PEBP4: variants seen among roughly 807,000 people sequenced by gnomAD.
PEBP4 encodes phosphatidylethanolamine binding protein 4.
A neutral mutation model predicts 23.9 loss-of-function variants in PEBP4; 22 were observed. The ratio of observed to expected loss-of-function variants is 0.92; its 90% CI spans 0.66 to 1.31. The LOEUF (loss-of-function observed/expected upper bound fraction) is 1.31, where lower values mean the gene tolerates loss of function less well. Among genes scored for constraint, PEBP4 ranks in the 40% most tolerant of loss-of-function variants. The pLI, the probability that PEBP4 is intolerant of heterozygous loss-of-function variation, is 0.00. For synonymous variants in PEBP4, 112 were observed against 99.3 expected, an observed-to-expected ratio of 1.13 and a Z score of -0.76; for missense variants, 324 against 281.7, an observed-to-expected ratio of 1.15 and a Z score of -1.07.
chr8:22,843,683 T>G (rs1369302978), intron 3 of PEBP4, among the ~76,000 whole-genome samples: 1 of 152,220 alleles, frequency 6.6e-6, no homozygotes, highest in Admixed American at 6.5e-5. Context: ...TGTTTGGAAG[T>G]TGAATGTCAG....
intron 4 of PEBP4, among the ~76,000 whole-genome samples, chr8:22,791,118 G>A (rs987401091): frequency 6.6e-6 from 1 of 152,062 alleles, no homozygotes; most frequent in Non-Finnish European, 1.5e-5. Flanking sequence ...GCCTCTTCAC[G>A]CAGGCAACCA....
At chr8:22,785,646 C>T (rs1249997088) in intron 4 of PEBP4, among the ~76,000 whole-genome samples, 1 of 152,144 alleles carries the variant, frequency 6.6e-6, no homozygotes, top group African/African-American at 2.4e-5. Flanking sequence ...GGCTCTGCCA[C>T]CTGCTAGCAA....
At chr8:22,761,791 G>T (rs1002314575) in intron 4 of PEBP4, among the ~76,000 whole-genome samples, 1 of 152,104 alleles carries the variant, frequency 6.6e-6, no homozygotes, top group African/African-American at 2.4e-5. Flanking sequence ...GTGTTTTTCT[G>T]TCTCCTTCTT....
At chr8:22,736,963 T>G (rs796928084) in intron 4 of PEBP4, among the ~76,000 whole-genome samples, 1 of 152,160 alleles carries the variant, frequency 6.6e-6, no homozygotes, top group African/African-American at 2.4e-5. Context: ...TGGATGCCAG[T>G]TTTGCACCCA....
At chr8:22,778,420 T>C (rs1322593882) in intron 4 of PEBP4, among the ~76,000 whole-genome samples, 1 of 151,746 alleles carries the variant, frequency 6.6e-6, no homozygotes, top group Non-Finnish European at 1.5e-5. Context: ...GTTTCGCTCT[T>C]GTTGCCCCGG....
intron 3 of PEBP4, among the ~76,000 whole-genome samples, chr8:22,863,565 T>C (rs1807824055): frequency 2.0e-5 from 3 of 152,314 alleles, no homozygotes; most frequent in Admixed American, 1.3e-4. Context: ...CCTGCCTCCC[T>C]GCATCCTTCT....
chr8:22,776,276 T>C (rs1397772860), intron 4 of PEBP4, among the ~76,000 whole-genome samples: 1 of 152,196 alleles, frequency 6.6e-6, no homozygotes, highest in African/African-American at 2.4e-5. Context: ...CCTTTCCCCT[T>C]TCTTCATTTC....
chr8:22,923,007 T>C (rs998603380), intron 2 of PEBP4, among the ~76,000 whole-genome samples: 2 of 152,230 alleles, frequency 1.3e-5, no homozygotes, highest in African/African-American at 2.4e-5. Context: ...ACATCACATA[T>C]GTATGATTTC....
At chr8:22,731,671 ATTTTT>A (rs1405566877) in intron 4 of PEBP4, among the ~76,000 whole-genome samples, 23 of 146,578 alleles carry the variant, frequency 1.6e-4, no homozygotes, top group African/African-American at 5.8e-4. Flanking sequence ...TTATTTATTT[ATTTTT>A]GAGACGGAGT....
At chr8:22,850,332 G>A (rs1159982553) in intron 3 of PEBP4, among the ~76,000 whole-genome samples, 1 of 152,202 alleles carries the variant, frequency 6.6e-6, no homozygotes, top group Non-Finnish European at 1.5e-5. Context: ...CTCGAATCAG[G>A]ACAACCAGTC....
intron 3 of PEBP4, among the ~76,000 whole-genome samples, chr8:22,823,006 G>A (rs1380003352): frequency 1.3e-5 from 2 of 151,680 alleles, no homozygotes; most frequent in Admixed American, 6.6e-5. Context: ...ATTATCCAAG[G>A]CAATATTGAA....
At position 22,777,768 on chromosome 8, in the gene PEBP4, C is replaced by T. The variant is rs190364608; in HGVS notation, c.357+39869G>A. On this transcript the variant is annotated intron_variant, in intron 4 of 6. Coordinates refer to ENST00000256404, the MANE Select transcript of PEBP4 (RefSeq NM_144962.3). ...GAGAATCCGACCATGAGGTATTTTC[C>T]TGGCGCTAAGGATAACCTTGTAGGA... is the stretch of plus-strand genomic sequence containing the variant. Among the ~76,000 whole-genome samples the T allele has an allele frequency of 3.6e-3, 553 of 152,300 alleles. 2 individuals are homozygous for T. The highest frequency in any genetic ancestry group is 5.6e-3 in the Non-Finnish European group (382 of 68,022).
At chr8:22,799,474 T>C (rs1277363787) in intron 4 of PEBP4, among the ~76,000 whole-genome samples, 1 of 152,262 alleles carries the variant, frequency 6.6e-6, no homozygotes, top group Non-Finnish European at 1.5e-5. Context: ...GGGAGAACTT[T>C]TCTGAAACTT....
At chr8:22,895,713 C>T (rs1808577011) in intron 3 of PEBP4, 1 of 152,116 alleles carries the variant, frequency 6.6e-6, no homozygotes. Flanking sequence ...GTTCTGTCCC[C>T]CAGCCTTCTT....
At chr8:22,736,000 A>G (rs188989817) in intron 4 of PEBP4, among the ~76,000 whole-genome samples, 1 of 152,342 alleles carries the variant, frequency 6.6e-6, no homozygotes, top group African/African-American at 2.4e-5. Context: ...TTTTCTTTGC[A>G]TTTTGGTTCC....
At chr8:22,827,372 T>G (rs1806992769) in intron 3 of PEBP4, among the ~76,000 whole-genome samples, 1 of 152,228 alleles carries the variant, frequency 6.6e-6, no homozygotes, top group South Asian at 2.1e-4. Flanking sequence ...AGAAATTTTG[T>G]ACCATGTATG....
At chr8:22,864,187 C>T (rs1001516184) in intron 3 of PEBP4, among the ~76,000 whole-genome samples, 5 of 152,206 alleles carry the variant, frequency 3.3e-5, no homozygotes, top group Non-Finnish European at 7.3e-5. Context: ...ATTCCAATCT[C>T]AATTATAGTC....
intron 4 of PEBP4, among the ~76,000 whole-genome samples, chr8:22,789,201 C>G (rs980264138): frequency 6.6e-6 from 1 of 152,054 alleles, no homozygotes; most frequent in Non-Finnish European, 1.5e-5. Flanking sequence ...CAGTTATACA[C>G]TAAGTGTGTT....
intron 3 of PEBP4, among the ~76,000 whole-genome samples, chr8:22,876,155 C>T (rs1808117704): frequency 6.6e-6 from 1 of 152,172 alleles, no homozygotes; most frequent in Non-Finnish European, 1.5e-5. Flanking sequence ...AAGTGATACA[C>T]CAGCCTCAGC....
Sources: gnomAD v4.1 joint callset for allele counts (sites outside exome capture counted in the v4.1 genomes callset) on GRCh38, gnomAD v4.1.1 for gene constraint, MANE v1.5 for transcripts, NCBI Gene and HGNC (gene_info 2026-07-23, HGNC 2026-07-21) for gene names.